Variants in DIS3L2 observed in about 807,000 individuals in gnomAD.
The protein encoded by DIS3L2 is DIS3-like exonuclease 2.
A neutral mutation model predicts 97.5 loss-of-function variants in DIS3L2; 34 were observed. That is an observed-to-expected ratio of 0.35 (90% CI 0.27 to 0.46). The LOEUF is 0.46. Ranked by LOEUF, DIS3L2 falls within the 20% of genes least tolerant of loss-of-function variation. DIS3L2 has a pLI of 1.00. For missense variants in DIS3L2, 1,038 were observed against 1,146.0 expected, an observed-to-expected ratio of 0.91 and a Z score of 1.36; for synonymous variants, 435 against 445.2, an observed-to-expected ratio of 0.98 and a Z score of 0.29.
intron 5 of DIS3L2, among the ~76,000 whole-genome samples, chr2:232,069,380 G>C (rs1695946253): frequency 6.6e-6 from 1 of 152,184 alleles, no homozygotes. Flanking sequence ...TATACCCATA[G>C]AAGTAGGCTT....
intron 14 of DIS3L2, among the ~76,000 whole-genome samples, chr2:232,327,254 C>T (rs576317136): frequency 6.6e-6 from 1 of 152,364 alleles, no homozygotes; most frequent in African/African-American, 2.4e-5. Context: ...AGCCTCAGTG[C>T]TGCCCGCTAT....
intron 8 of DIS3L2, among the ~76,000 whole-genome samples, chr2:232,162,185 C>T (rs1442146004): frequency 6.6e-6 from 1 of 152,010 alleles, no homozygotes; most frequent in Admixed American, 6.6e-5. Flanking sequence ...CATATTTTTG[C>T]TGTCTGGCTT....
intron 5 of DIS3L2, among the ~76,000 whole-genome samples, chr2:232,086,193 A>G: frequency 6.8e-6 from 1 of 146,552 alleles, no homozygotes; most frequent in African/African-American, 2.7e-5. Context: ...ATACACACGT[A>G]TAGACGTGTA....
intron 6 of DIS3L2, among the ~76,000 whole-genome samples, chr2:232,126,300 C>G (rs892214388): frequency 6.6e-6 from 1 of 152,142 alleles, no homozygotes; most frequent in Non-Finnish European, 1.5e-5. Flanking sequence ...AAAGTATATT[C>G]CGTAGAGAAT....
intron 14 of DIS3L2, 28 bp from the exon 15 acceptor site, chr2:232,329,785 T>TCCCGGGGGGGGCCCCCCCCCCCC: frequency 1.0e-6 from 1 of 967,142 alleles, no homozygotes; most frequent in African/African-American, 1.7e-5. Flanking sequence ...ACCCCAGCGG[T>TCCCGGGGGGGGCCCCCCCCCCCC]CCCTCCCATC....
At chr2:232,057,248 A>G (rs1266848465) in intron 5 of DIS3L2, among the ~76,000 whole-genome samples, 1 of 152,162 alleles carries the variant, frequency 6.6e-6, no homozygotes, top group African/African-American at 2.4e-5. Flanking sequence ...CGTCTTGAGT[A>G]TTGGTTCTGG....
At chr2:232,267,073 CA>C (rs1219916682) in intron 13 of DIS3L2, among the ~76,000 whole-genome samples, 1 of 152,126 alleles carries the variant, frequency 6.6e-6, no homozygotes, top group African/African-American at 2.4e-5. Context: ...GCAACTTGAC[CA>C]TTGTGTATTT....
intron 13 of DIS3L2, among the ~76,000 whole-genome samples, chr2:232,265,051 C>T (rs886675783): frequency 6.6e-6 from 1 of 152,200 alleles, no homozygotes; most frequent in Non-Finnish European, 1.5e-5. Context: ...ACCTACTTTC[C>T]TTCCTTTAAG....
At chr2:231,967,105 G>A (rs1692744526) in intron 1 of DIS3L2, among the ~76,000 whole-genome samples, 1 of 152,074 alleles carries the variant, frequency 6.6e-6, no homozygotes, top group African/African-American at 2.4e-5. Flanking sequence ...GGTAGGAAGG[G>A]ACTTCATGTG....
chr2:232,193,064 A>G (rs756901245), intron 9 of DIS3L2, among the ~76,000 whole-genome samples: 5 of 152,130 alleles, frequency 3.3e-5, no homozygotes, highest in Non-Finnish European at 7.4e-5. Flanking sequence ...GGCCCATCCA[A>G]CCAAAGGGAG....
intron 4 of DIS3L2, among the ~76,000 whole-genome samples, chr2:232,026,389 T>A (rs896698069): frequency 6.6e-6 from 1 of 152,080 alleles, no homozygotes; most frequent in Non-Finnish European, 1.5e-5. Flanking sequence ...TTGCCCCTCT[T>A]CCCTTCTCAG....
chr2:232,215,892 G>A (rs1025956702), intron 10 of DIS3L2, among the ~76,000 whole-genome samples: 7 of 152,152 alleles, frequency 4.6e-5, no homozygotes, highest in African/African-American at 1.2e-4. Context: ...GAAAAGGTTC[G>A]TGCATGTCTC....
chr2:232,249,044 T>C (rs1173052375), intron 11 of DIS3L2, among the ~76,000 whole-genome samples, 195 bp from the exon 12 acceptor site: 1 of 152,234 alleles, frequency 6.6e-6, no homozygotes, highest in South Asian at 2.1e-4. Flanking sequence ...TCCCAGCTCA[T>C]ATTCCTATTT....
intron 14 of DIS3L2, among the ~76,000 whole-genome samples, chr2:232,304,738 C>CT (rs1228594976): frequency 2.0e-5 from 3 of 152,152 alleles, no homozygotes; most frequent in African/African-American, 7.2e-5. Context: ...CTTCTGGTTG[C>CT]TTTTTAGACC....
rs565522180 is a variant in DIS3L2, at chr2:232,330,099, C to G, written c.1923+103C>G. The G allele has an allele frequency of 5.3e-5, 74 of 1,384,618 alleles. No homozygotes were observed. In the African/African-American group the frequency reaches 1.0e-3, roughly 19 times the overall value. The allele number at this position is 1,384,618 out of a possible 1,614,324, so 85.8% of individuals were successfully genotyped here. On this transcript the variant is annotated intron_variant, in intron 15 of 20. Transcript: ENST00000325385. Reference sequence around the variant, plus strand: ...CGGCCTCTGCTTCCCCCCAGAGTCCCTCCCCTTCAGCCAGGTCTCTCCTGT... The same window carrying G: ...CGGCCTCTGCTTCCCCCCAGAGTCCGTCCCCTTCAGCCAGGTCTCTCCTGT...
chr2:232,220,128 T>TAAATA (rs1692450911), intron 10 of DIS3L2, among the ~76,000 whole-genome samples: 1 of 139,410 alleles, frequency 7.2e-6, no homozygotes, highest in Admixed American at 7.0e-5. Context: ...AATAAATAAA[T>TAAATA]AAATAAATAA....
chr2:232,236,770 G>A (rs750137168), intron 10 of DIS3L2, among the ~76,000 whole-genome samples: 13 of 151,326 alleles, frequency 8.6e-5, no homozygotes, highest in Non-Finnish European at 1.8e-4. Flanking sequence ...TTATTTTTTC[G>A]AGACAAAGCC....
chr2:232,238,729 A>G (rs1693001686), intron 11 of DIS3L2, 84 bp downstream of exon 11: 2 of 1,246,156 alleles, frequency 1.6e-6, no homozygotes, highest in South Asian at 1.4e-5. Context: ...CTGTTATTAC[A>G]TGTTCTCCGG....
chr2:231,981,863 G>A (rs1231033653), intron 1 of DIS3L2, among the ~76,000 whole-genome samples: 16 of 150,566 alleles, frequency 1.1e-4, no homozygotes, highest in African/African-American at 2.4e-4. Context: ...GAGAAACTCC[G>A]TCTCTACTAA....
Sources: gnomAD v4.1 joint callset for allele counts (sites outside exome capture counted in the v4.1 genomes callset) on GRCh38, gnomAD v4.1.1 for gene constraint, MANE v1.5 for transcripts, NCBI Gene and HGNC (gene_info 2026-07-23, HGNC 2026-07-21) for gene names.